Variants in KAZN observed in about 807,000 individuals in gnomAD.
KAZN encodes kazrin, periplakin interacting protein, also known as kazrin.
KAZN carries 40 observed loss-of-function variants against 87.4 expected under a neutral mutation model. The observed-to-expected ratio is 0.46, with a 90% confidence interval of 0.36 to 0.60. The LOEUF (loss-of-function observed/expected upper bound fraction) is 0.60. KAZN is among the 20% of genes least tolerant of loss of function. The probability of loss-of-function intolerance (pLI) is 0.00; values close to 1 mark genes in which losing one functional copy is unlikely to be tolerated. For missense variants in KAZN, 898 were observed against 1,073.9 expected (o/e 0.84, Z 2.29); for synonymous variants, 466 against 458.3 (o/e 1.02, Z -0.22).
At chr1:14,409,428 C>T (rs532823708) in intron 2 of KAZN, among the ~76,000 whole-genome samples, 25 of 152,268 alleles carry the variant, frequency 1.6e-4, no homozygotes, top group African/African-American at 4.3e-4. Context: ...ACAACAAGAG[C>T]GCTTGAGTTC....
At chr1:14,790,276 T>G (rs1645635515) in intron 1 of KAZN, among the ~76,000 whole-genome samples, 1 of 151,974 alleles carries the variant, frequency 6.6e-6, no homozygotes, top group Non-Finnish European at 1.5e-5. Flanking sequence ...CCTCCCAAAG[T>G]GCTGGGATTG....
chr1:14,902,558 T>A (rs532293303), intron 1 of KAZN, among the ~76,000 whole-genome samples: 6 of 152,148 alleles, frequency 3.9e-5, no homozygotes, highest in African/African-American at 1.2e-4. Flanking sequence ...TCTTCCATGG[T>A]GTTTCCAAGG....
At chr1:14,843,155 C>T (rs1648223676) in intron 1 of KAZN, among the ~76,000 whole-genome samples, 1 of 152,158 alleles carries the variant, frequency 6.6e-6, no homozygotes, top group South Asian at 2.1e-4. Flanking sequence ...AGGAAGTATA[C>T]TAAGATTATC....
At chr1:14,226,733 TTA>T (rs1285858272) in intron 2 of KAZN, among the ~76,000 whole-genome samples, 2 of 152,156 alleles carry the variant, frequency 1.3e-5, no homozygotes, top group Non-Finnish European at 2.9e-5. Flanking sequence ...AAAAATGAGA[TTA>T]TGTCTTTTGC....
At chr1:15,080,616 C>G (rs1227731693) in intron 8 of KAZN, among the ~76,000 whole-genome samples, 2 of 152,222 alleles carry the variant, frequency 1.3e-5, no homozygotes, top group Admixed American at 1.3e-4. Context: ...CATCTACATC[C>G]AACAGGGCAG....
chr1:14,993,519 C>T (rs1667557680), intron 2 of KAZN, among the ~76,000 whole-genome samples: 3 of 152,030 alleles, frequency 2.0e-5, no homozygotes, highest in Admixed American at 2.0e-4. Context: ...TGGCGTCTGC[C>T]CCTAGCGGAA....
intron 2 of KAZN, among the ~76,000 whole-genome samples, chr1:14,271,005 A>G (rs1045791730): frequency 1.3e-5 from 2 of 152,206 alleles, no homozygotes; most frequent in East Asian, 1.9e-4. Flanking sequence ...ATCGCAAAGT[A>G]CCACCAGATG....
intron 1 of KAZN, among the ~76,000 whole-genome samples, chr1:13,917,030 C>G (rs772506549): frequency 7.9e-5 from 12 of 151,274 alleles, no homozygotes; most frequent in Non-Finnish European, 1.0e-4. Flanking sequence ...TAGAAGAATT[C>G]TCTGTATGCC....
chr1:14,770,808 A>G (rs760517552), intron 1 of KAZN, among the ~76,000 whole-genome samples: 3 of 152,210 alleles, frequency 2.0e-5, no homozygotes, highest in Admixed American at 1.3e-4. Context: ...AGAGAGAAAC[A>G]TGCATTTTCA....
At chr1:14,397,576 G>A (rs902632152) in intron 2 of KAZN, among the ~76,000 whole-genome samples, 4 of 152,134 alleles carry the variant, frequency 2.6e-5, no homozygotes, top group East Asian at 1.9e-4. Flanking sequence ...AGGCAGAAGC[G>A]CTGGGGGCGG....
chr1:15,059,797 C>T lies in KAZN; in HGVS notation c.917-375C>T, dbSNP rs547809563. On this transcript the variant is annotated intron_variant, in intron 5 of 14. Transcript: ENST00000376030. Reference sequence around the variant, plus strand: ...TGTGAGTAGAGTCACAGAGTACTCACGTATTAATGCATCACGGTGCTGCTT... The same window carrying T: ...TGTGAGTAGAGTCACAGAGTACTCATGTATTAATGCATCACGGTGCTGCTT... Among the ~76,000 whole-genome samples the T allele has an allele frequency of 3.9e-5, 6 of 152,222 alleles. No homozygotes were observed. The East Asian group carries it at 9.6e-4, about 24-fold the overall frequency.
chr1:14,425,946 A>G (rs906150261), intron 2 of KAZN, among the ~76,000 whole-genome samples: 2 of 152,166 alleles, frequency 1.3e-5, no homozygotes, highest in Admixed American at 6.5e-5. Context: ...ACTTTCTAGA[A>G]CATTCTTTTA....
rs66777443 is a variant in KAZN at position 14,940,898 on chromosome 1, C to CTTTTTT, written c.227-19760_227-19755dup. Among the ~76,000 whole-genome samples, 111 of 54,410 alleles carry CTTTTTT rather than the reference C, an allele frequency of 2.0e-3. 4 individuals carry two copies. The highest frequency in any genetic ancestry group is 2.7e-3 in the African/African-American group (33 of 12,030). The allele number at this position is 54,410 out of a possible 152,430, so 35.7% of individuals were successfully genotyped here. On this transcript the variant is annotated intron_variant, in intron 1 of 14. Coordinates refer to ENST00000376030, the MANE Select transcript of KAZN (RefSeq NM_201628.3). ...ACCAGACAGATGTCATTCTACCTTTCTTTTTTTTTTTTTTTTTTTTTTTTT... is the reference window on the plus strand; with the variant it reads ...ACCAGACAGATGTCATTCTACCTTTCTTTTTTTTTTTTTTTTTTTTTTTTTTTTTTT...
At chr1:14,934,621 C>T (rs536353044) in intron 1 of KAZN, among the ~76,000 whole-genome samples, 170 of 152,266 alleles carry the variant, frequency 1.1e-3, no homozygotes, top group African/African-American at 3.8e-3. Context: ...ACAACCTTTC[C>T]TTCAGTATGA....
At chr1:14,618,802 G>A (rs188958798) in intron 1 of KAZN, among the ~76,000 whole-genome samples, 1 of 152,222 alleles carries the variant, frequency 6.6e-6, no homozygotes, top group Non-Finnish European at 1.5e-5. Context: ...ATAGTAGTAT[G>A]TGCAAGGTAT....
At chr1:14,074,806 C>T (rs1643387957) in intron 1 of KAZN, among the ~76,000 whole-genome samples, 2 of 152,160 alleles carry the variant, frequency 1.3e-5, no homozygotes, top group African/African-American at 4.8e-5. Flanking sequence ...CCACCTCTGC[C>T]AATAACCTAC....
At chr1:14,684,286 T>C (rs1640836808) in intron 1 of KAZN, among the ~76,000 whole-genome samples, 2 of 152,214 alleles carry the variant, frequency 1.3e-5, no homozygotes, top group Non-Finnish European at 2.9e-5. Context: ...GATACTTGAT[T>C]GGTATTAGGG....
intron 8 of KAZN, among the ~76,000 whole-genome samples, chr1:15,071,278 G>A (rs187833161): frequency 1.8e-4 from 27 of 151,782 alleles, no homozygotes; most frequent in Admixed American, 4.6e-4. Context: ...TTGAGGCAGA[G>A]TCTCACTCTG....
intron 1 of KAZN, among the ~76,000 whole-genome samples, chr1:14,725,654 A>G (rs1375359630): frequency 6.6e-6 from 1 of 152,194 alleles, no homozygotes; most frequent in Non-Finnish European, 1.5e-5. Flanking sequence ...TTCATTGCCC[A>G]GTGAGGTTGA....
Sources: gnomAD v4.1 joint callset for allele counts (sites outside exome capture counted in the v4.1 genomes callset) on GRCh38, gnomAD v4.1.1 for gene constraint, MANE v1.5 for transcripts, NCBI Gene and HGNC (gene_info 2026-07-23, HGNC 2026-07-21) for gene names.